The following KCNN2 variants were observed in gnomAD, a reference collection of about 807,000 sequenced individuals.
KCNN2 encodes the protein potassium calcium-activated channel subfamily N member 2.
In KCNN2, 24 loss-of-function variants were observed where a neutral mutation model predicts 55.5. The ratio of observed to expected loss-of-function variants is 0.43; its 90% CI spans 0.31 to 0.61. The LOEUF (loss-of-function observed/expected upper bound fraction) is 0.61, where lower values mean the gene tolerates loss of function less well. Ranked by LOEUF, KCNN2 falls within the 20% of genes least tolerant of loss-of-function variation. The pLI, the probability that KCNN2 is intolerant of heterozygous loss-of-function variation, is 0.08. For missense variants in KCNN2, 754 were observed against 853.6 expected (o/e 0.88, Z 1.45); for synonymous variants, 431 against 336.1 (o/e 1.28, Z -3.09).
chr5:114,294,618 T>C (rs1046983541), intron 2 of KCNN2, among the ~76,000 whole-genome samples: 4 of 152,184 alleles, frequency 2.6e-5, no homozygotes, highest in Admixed American at 6.5e-5. Context: ...TCCAACTATG[T>C]GGTCAGTTTT....
chr5:114,431,383 T>A lies in KCNN2; in HGVS notation c.1637+26527T>A, dbSNP rs139024669. On this transcript the variant is annotated intron_variant, in intron 3 of 7. Transcript: ENST00000673685. Reference sequence around the variant, plus strand: ...TGTCAAATGTGTGGGCAGAATGTTGTTCATAATATTACTTTGCTATCCTTT... The same window carrying A: ...TGTCAAATGTGTGGGCAGAATGTTGATCATAATATTACTTTGCTATCCTTT... Among the ~76,000 whole-genome samples, 1,032 of 152,220 alleles carry A rather than the reference T, an allele frequency of 6.8e-3. 6 individuals are homozygous for A. Among genetic ancestry groups the A allele is most frequent in the Middle Eastern group, 0.014 (4 of 294 alleles).
chr5:114,402,100 A>G (rs1000799991), intron 2 of KCNN2, among the ~76,000 whole-genome samples: 1 of 152,228 alleles, frequency 6.6e-6, no homozygotes, highest in African/African-American at 2.4e-5. Flanking sequence ...CATCCAGACC[A>G]TACCAAGTAG....
intron 1 of KCNN2, among the ~76,000 whole-genome samples, chr5:114,203,598 G>T (rs1010862809): frequency 6.6e-6 from 1 of 152,140 alleles, no homozygotes; most frequent in Admixed American, 6.5e-5. Flanking sequence ...TAGAAGTTCT[G>T]CTGCAAGGCC....
intron 2 of KCNN2, among the ~76,000 whole-genome samples, chr5:114,231,613 C>A: frequency 6.6e-6 from 1 of 151,206 alleles, no homozygotes; most frequent in East Asian, 1.9e-4. Context: ...TGATAGTGAT[C>A]ACCATGGCCA....
intron 1 of KCNN2, among the ~76,000 whole-genome samples, chr5:114,189,245 C>A (rs1753401095): frequency 6.6e-6 from 1 of 151,752 alleles, no homozygotes; most frequent in South Asian, 2.1e-4. Flanking sequence ...GTCTGCCAGG[C>A]AGAGACCCAG....
intron 2 of KCNN2, among the ~76,000 whole-genome samples, chr5:114,225,874 A>T (rs1754229257): frequency 6.6e-6 from 1 of 152,212 alleles, no homozygotes. Context: ...TCATCCACGT[A>T]TTCTGTAAAA....
intron 1 of KCNN2, among the ~76,000 whole-genome samples, chr5:114,192,583 T>C (rs564993819): frequency 6.6e-6 from 1 of 152,080 alleles, no homozygotes; most frequent in Non-Finnish European, 1.5e-5. Flanking sequence ...GACCTTATGC[T>C]TCTGAGAGGT....
intron 2 of KCNN2, among the ~76,000 whole-genome samples, chr5:114,303,648 T>C (rs543834128): frequency 6.6e-6 from 1 of 152,170 alleles, no homozygotes; most frequent in Non-Finnish European, 1.5e-5. Flanking sequence ...GGAGACTACA[T>C]AAAAACTCAT....
At chr5:114,289,395 A>T (rs559721455) in intron 2 of KCNN2, among the ~76,000 whole-genome samples, 11 of 142,476 alleles carry the variant, frequency 7.7e-5, no homozygotes, top group Admixed American at 6.5e-4. Flanking sequence ...TTTGAGACAG[A>T]GTCTCACTCA....
At chr5:114,281,893 C>T (rs1418473713) in intron 2 of KCNN2, among the ~76,000 whole-genome samples, 1 of 151,606 alleles carries the variant, frequency 6.6e-6, no homozygotes, top group African/African-American at 2.4e-5. Context: ...ATTAATATTT[C>T]ATATTTCTTT....
intron 1 of KCNN2, among the ~76,000 whole-genome samples, chr5:114,072,231 G>T (rs2632142): frequency 0.13 from 19,954 of 151,880 alleles, 1,392 homozygotes; most frequent in Middle Eastern, 0.17. Flanking sequence ...GGCAGAGGTT[G>T]CGGTGAGCCA....
At chr5:114,161,769 T>C (rs1389409333) in intron 1 of KCNN2, among the ~76,000 whole-genome samples, 1 of 152,220 alleles carries the variant, frequency 6.6e-6, no homozygotes, top group Non-Finnish European at 1.5e-5. Flanking sequence ...CCATCGCCTA[T>C]ACCCTTTCTT....
At chr5:114,389,706 T>C (rs919539293) in intron 2 of KCNN2, among the ~76,000 whole-genome samples, 11 of 152,176 alleles carry the variant, frequency 7.2e-5, no homozygotes, top group African/African-American at 2.7e-4. Flanking sequence ...GGAAAAAGAC[T>C]AAACTAGGAC....
rs1180268110 is a variant in KCNN2, at chr5:114,343,635, A to G, written c.-184-17310A>G. On this transcript the variant is annotated intron_variant, in intron 2 of 10. Transcript: ENST00000512097. Reference sequence around the variant, plus strand: ...TGGCAGAAAGAATGCTCATCTCTCCAAGTGGGCTTTGGACAAAGACTTGAA... The same window carrying G: ...TGGCAGAAAGAATGCTCATCTCTCCGAGTGGGCTTTGGACAAAGACTTGAA... Among the ~76,000 whole-genome samples the G allele has an allele frequency of 8.5e-5, 13 of 152,088 alleles. No individual in the cohort carries two copies. The East Asian group carries it at 2.5e-3, about 29-fold the overall frequency.
chr5:114,336,753 T>C (rs1001873317), intron 2 of KCNN2, among the ~76,000 whole-genome samples: 1 of 152,176 alleles, frequency 6.6e-6, no homozygotes, highest in African/African-American at 2.4e-5. Flanking sequence ...CATGAGGATG[T>C]GGCAGCCATT....
chr5:114,421,502 G>A (rs779348791), intron 3 of KCNN2, among the ~76,000 whole-genome samples: 11 of 151,688 alleles, frequency 7.3e-5, no homozygotes, highest in African/African-American at 1.7e-4. Context: ...TGTCGGCCAC[G>A]CTGGTCTCGA....
intron 2 of KCNN2, among the ~76,000 whole-genome samples, chr5:114,230,490 G>A (rs1754337429): frequency 9.2e-6 from 1 of 108,700 alleles, no homozygotes; most frequent in Non-Finnish European, 1.9e-5. Context: ...GTGTCCATGT[G>A]ATCTCATTGT....
chr5:114,238,084 A>G (rs1037548633), intron 2 of KCNN2, among the ~76,000 whole-genome samples: 2 of 152,236 alleles, frequency 1.3e-5, no homozygotes, highest in Non-Finnish European at 2.9e-5. Context: ...TGGACTCAGT[A>G]AGTCTCTCTA....
At chr5:114,349,905 C>T (rs1440553262) in intron 2 of KCNN2, among the ~76,000 whole-genome samples, 1 of 151,992 alleles carries the variant, frequency 6.6e-6, no homozygotes, top group Non-Finnish European at 1.5e-5. Context: ...ACATCCTTGA[C>T]AACACTTGCT....
Sources: allele counts gnomAD v4.1 joint callset (sites outside exome capture counted in the v4.1 genomes callset), GRCh38; gene constraint gnomAD v4.1.1; transcripts MANE v1.5; gene names NCBI Gene and HGNC (gene_info 2026-07-23, HGNC 2026-07-21).